Variants in CAMKMT observed in about 807,000 individuals in gnomAD.
The protein encoded by CAMKMT is CaM KMT.
CAMKMT carries 53 observed loss-of-function variants against 48.0 expected under a neutral mutation model. The observed-to-expected ratio is 1.10, with a 90% CI of 0.89 to 1.39. The LOEUF is 1.39. Ranked by LOEUF, CAMKMT falls within the 40% of genes most tolerant of loss-of-function variation. The pLI, the probability that CAMKMT is intolerant of heterozygous loss-of-function variation, is 0.00. For missense variants in CAMKMT, 428 were observed against 402.7 expected (o/e 1.06, Z -0.54); for synonymous variants, 165 against 152.3 (o/e 1.08, Z -0.61).
intron 3 of CAMKMT, among the ~76,000 whole-genome samples, chr2:44,622,368 G>A (rs1672246441): frequency 6.6e-6 from 1 of 152,016 alleles, no homozygotes; most frequent in Non-Finnish European, 1.5e-5. Context: ...TAGATTCTGG[G>A]GAGTATATGT....
intron 3 of CAMKMT, among the ~76,000 whole-genome samples, chr2:44,408,025 CT>C (rs58443811): frequency 0.59 from 62,430 of 105,004 alleles, 17,316 homozygotes; most frequent in South Asian, 0.7. Flanking sequence ...TAGAGCATGT[CT>C]TTTTTTTTTT....
At chr2:44,730,650 A>G (rs544382411) in intron 7 of CAMKMT, among the ~76,000 whole-genome samples, 5 of 152,230 alleles carry the variant, frequency 3.3e-5, no homozygotes, top group South Asian at 2.1e-4. Flanking sequence ...AGAGGCTTCT[A>G]TGATATGGAA....
chr2:44,435,308 A>T (rs1463214799), intron 3 of CAMKMT, among the ~76,000 whole-genome samples: 2 of 152,130 alleles, frequency 1.3e-5, no homozygotes, highest in Non-Finnish European at 2.9e-5. Context: ...CTGTCCTCAG[A>T]TCATTGTGGA....
At chr2:44,480,846 A>C (rs1668930426) in intron 3 of CAMKMT, among the ~76,000 whole-genome samples, 1 of 152,114 alleles carries the variant, frequency 6.6e-6, no homozygotes, top group African/African-American at 2.4e-5. Flanking sequence ...ATTATTTCAA[A>C]TTAAAACATA....
intron 3 of CAMKMT, among the ~76,000 whole-genome samples, chr2:44,452,218 A>G (rs959885442): frequency 6.6e-6 from 1 of 151,976 alleles, no homozygotes; most frequent in African/African-American, 2.4e-5. Flanking sequence ...GAGTTTTAGG[A>G]ATAAAATGTG....
intron 3 of CAMKMT, among the ~76,000 whole-genome samples, chr2:44,512,098 T>G (rs925526148): frequency 5.9e-5 from 9 of 152,198 alleles, no homozygotes; most frequent in Non-Finnish European, 1.0e-4. Flanking sequence ...CCATGACACT[T>G]GTAGTCACTG....
chr2:44,545,210 G>A (rs1667329728), intron 3 of CAMKMT, among the ~76,000 whole-genome samples: 1 of 152,220 alleles, frequency 6.6e-6, no homozygotes, highest in African/African-American at 2.4e-5. Context: ...GCTCTTAGGA[G>A]AGGTGAAAGG....
At position 44,430,619 on chromosome 2, in the gene CAMKMT, C is replaced by T. The variant is rs552983396; in HGVS notation, c.376+40314C>T. On this transcript the variant is annotated intron_variant, in intron 3 of 10. Coordinates refer to ENST00000378494, the MANE Select transcript of CAMKMT (RefSeq NM_024766.5). ...ATTAAATGTAATTGGTTACATTGCT[C>T]CTCCCAGGCCCCCGAGGTGTTTTTG... 9.2e-5 allele frequency among the ~76,000 whole-genome samples: 14 copies of T among 152,008 alleles called. No homozygotes were observed. In the South Asian group the frequency reaches 2.7e-3, roughly 29 times the overall value.
At chr2:44,407,748 G>C (rs1682881430) in intron 3 of CAMKMT, among the ~76,000 whole-genome samples, 1 of 152,100 alleles carries the variant, frequency 6.6e-6, no homozygotes, top group Non-Finnish European at 1.5e-5. Context: ...GGGCATCTTG[G>C]GTAGGTTAAG....
chr2:44,764,114 G>T lies in CAMKMT; in HGVS notation c.763-2316G>T, dbSNP rs895829063. Among the ~76,000 whole-genome samples, 6 of 151,434 alleles carry T rather than the reference G, an allele frequency of 4.0e-5. No homozygotes were observed. In the East Asian group the frequency reaches 9.7e-4, roughly 24 times the overall value. On this transcript the variant is annotated intron_variant, in intron 9 of 10. Coordinates refer to ENST00000378494, the MANE Select transcript of CAMKMT (RefSeq NM_024766.5). Reference sequence around the variant, plus strand: ...TTTCACATAAAAATGAATTTTTGCTGCTAAGTTTGAAAACTGCCTGAAAAT... The same window carrying T: ...TTTCACATAAAAATGAATTTTTGCTTCTAAGTTTGAAAACTGCCTGAAAAT...
chr2:44,624,045 C>T (rs1291491412), intron 3 of CAMKMT, among the ~76,000 whole-genome samples: 2 of 152,098 alleles, frequency 1.3e-5, no homozygotes, highest in African/African-American at 4.8e-5. Context: ...TTCATCCATT[C>T]CACCCAACTG....
intron 3 of CAMKMT, among the ~76,000 whole-genome samples, chr2:44,623,781 A>T (rs1672326969): frequency 6.6e-6 from 1 of 152,142 alleles, no homozygotes; most frequent in Non-Finnish European, 1.5e-5. Flanking sequence ...GAAAATTCCC[A>T]CATGTCCCTT....
intron 3 of CAMKMT, among the ~76,000 whole-genome samples, chr2:44,462,244 A>T (rs1240030569): frequency 2.0e-5 from 3 of 152,200 alleles, no homozygotes; most frequent in Non-Finnish European, 4.4e-5. Flanking sequence ...AAAATAAAAC[A>T]TATTCTCATT....
intron 3 of CAMKMT, among the ~76,000 whole-genome samples, chr2:44,427,766 T>C (rs1067367): frequency 0.6 from 91,677 of 152,004 alleles, 28,219 homozygotes; most frequent in Non-Finnish European, 0.67. Context: ...TGTATTATAT[T>C]GAATTTGTGG....
chr2:44,643,041 A>G (rs569852331), intron 3 of CAMKMT, among the ~76,000 whole-genome samples: 244 of 152,276 alleles, frequency 1.6e-3, no homozygotes, highest in Non-Finnish European at 2.5e-3. Flanking sequence ...ACTGACAGGA[A>G]ACACATACAT....
intron 3 of CAMKMT, among the ~76,000 whole-genome samples, chr2:44,406,899 C>A (rs1045125941): frequency 6.6e-6 from 1 of 152,190 alleles, no homozygotes; most frequent in African/African-American, 2.4e-5. Context: ...TGAGCCATTG[C>A]GCCCAGCCAA....
intron 2 of CAMKMT, among the ~76,000 whole-genome samples, chr2:44,388,862 G>T (rs1340517636): frequency 1.3e-5 from 2 of 152,132 alleles, no homozygotes; most frequent in Non-Finnish European, 2.9e-5. Context: ...AACTGTCTAT[G>T]GGTCTCTTAG....
intron 5 of CAMKMT, 38 bp from the exon 6 acceptor site, chr2:44,707,361 T>G (rs752186955): frequency 6.3e-7 from 1 of 1,596,284 alleles, no homozygotes; most frequent in South Asian, 1.1e-5. Context: ...GACAAGCATA[T>G]TTGCTCATTG....
rs73924530 is a variant in CAMKMT at position 44,705,272 on chromosome 2, C to G, written c.437+929C>G. ...TTCTTCTCCTCCCTTTCCCCCTCTT[C>G]CCACCTCTCCCTCTCTTTTAATTTT... On this transcript the variant is annotated intron_variant, in intron 4 of 10. Coordinates refer to ENST00000378494, the MANE Select transcript of CAMKMT (RefSeq NM_024766.5). 0.011 allele frequency: 8,747 copies of G among 768,982 alleles called. 602 individuals carry two copies. In the African/African-American group the frequency reaches 0.15, roughly 13 times the overall value. The allele number at this position is 768,982 out of a possible 1,614,324, so 47.6% of individuals were successfully genotyped here.
Sources: gnomAD v4.1 joint callset for allele counts (sites outside exome capture counted in the v4.1 genomes callset) on GRCh38, gnomAD v4.1.1 for gene constraint, MANE v1.5 for transcripts, NCBI Gene and HGNC (gene_info 2026-07-23, HGNC 2026-07-21) for gene names.